Variants in LRMDA observed in about 807,000 individuals in gnomAD.
LRMDA encodes leucine rich melanocyte differentiation associated.
In LRMDA, 18 loss-of-function variants were observed where a neutral mutation model predicts 29.8. That is an observed-to-expected ratio of 0.60 (90% confidence interval 0.42 to 0.90). The LOEUF is 0.90. Among genes scored for constraint, LRMDA ranks in the 40% least tolerant of loss-of-function variants. LRMDA has a pLI of 0.00. For missense variants in LRMDA, 273 were observed against 273.9 expected (o/e 1.00, Z 0.02); for synonymous variants, 125 against 109.4 (o/e 1.14, Z -0.89).
At chr10:76,014,008 G>A (rs1564630373) in intron 2 of LRMDA, among the ~76,000 whole-genome samples, 1 of 150,002 alleles carries the variant, frequency 6.7e-6, no homozygotes, top group Non-Finnish European at 1.5e-5. Context: ...TCACTGAGAA[G>A]TGATCCACAT....
intron 2 of LRMDA, among the ~76,000 whole-genome samples, chr10:75,556,629 A>C (rs887507691): frequency 6.6e-6 from 1 of 152,182 alleles, no homozygotes; most frequent in African/African-American, 2.4e-5. Flanking sequence ...TAAAAAATCT[A>C]CATGGCTATT....
rs892237446 is a variant in LRMDA at position 75,716,343 on chromosome 10, C to G, written c.131+277849C>G. Among the ~76,000 whole-genome samples the G allele has an allele frequency of 4.9e-4, 74 of 152,278 alleles. 1 individual carries two copies. Among genetic ancestry groups the G allele is most frequent in the African/African-American group, 1.7e-3 (71 of 41,566 alleles). The stretch of plus-strand genomic sequence containing the variant: ...TGAGCTGGCAAATTAACCTTGGAAA[C>G]CTTTTATCTTTGGACTTCTTATGTT... On this transcript the variant is annotated intron_variant, in intron 2 of 6. Coordinates refer to ENST00000611255, the MANE Select transcript of LRMDA (RefSeq NM_001305581.2).
At chr10:75,543,053 G>A (rs1164878233) in intron 2 of LRMDA, among the ~76,000 whole-genome samples, 2 of 152,174 alleles carry the variant, frequency 1.3e-5, no homozygotes, top group South Asian at 2.1e-4. Context: ...AAGTCCAAGC[G>A]CGAGGCCAGG....
intron 2 of LRMDA, among the ~76,000 whole-genome samples, chr10:75,550,459 T>C (rs1840128554): frequency 2.0e-5 from 3 of 152,160 alleles, no homozygotes; most frequent in Admixed American, 2.0e-4. Flanking sequence ...TGAAACCTAC[T>C]TTGTATTATG....
intron 3 of LRMDA, among the ~76,000 whole-genome samples, chr10:76,043,079 G>A (rs1049653149): frequency 2.0e-5 from 3 of 151,944 alleles, no homozygotes; most frequent in East Asian, 1.9e-4. Flanking sequence ...CCGAGATCAC[G>A]CCATTGCACT....
At position 75,824,172 on chromosome 10, in the gene LRMDA, G is replaced by C. The variant is rs570398308; in HGVS notation, c.132-211836G>C. ...ATTTCAAAAAATATTTTGATTACAT[G>C]TTGATTGTATTTGGGACATATTAAA... On this transcript the variant is annotated intron_variant, in intron 2 of 6. Coordinates refer to ENST00000611255, the MANE Select transcript of LRMDA (RefSeq NM_001305581.2). 3.3e-5 allele frequency among the ~76,000 whole-genome samples: 5 copies of C among 152,240 alleles called. No homozygotes were observed. In the South Asian group the frequency reaches 1.0e-3, roughly 32 times the overall value.
At chr10:76,433,189 G>T in intron 6 of LRMDA, among the ~76,000 whole-genome samples, 1 of 152,028 alleles carries the variant, frequency 6.6e-6, no homozygotes, top group East Asian at 2.0e-4. Context: ...CTTCTCACAG[G>T]TATCTGTGTT....
intron 6 of LRMDA, among the ~76,000 whole-genome samples, chr10:76,471,335 G>A (rs760997675): frequency 2.0e-5 from 3 of 151,582 alleles, no homozygotes; most frequent in Non-Finnish European, 4.4e-5. Flanking sequence ...CTATATAGGT[G>A]CAATTTTAAA....
At chr10:76,416,096 G>A (rs1312908373) in intron 6 of LRMDA, among the ~76,000 whole-genome samples, 2 of 152,204 alleles carry the variant, frequency 1.3e-5, no homozygotes, top group Admixed American at 6.5e-5. Flanking sequence ...TGAGACTTAG[G>A]AAGAAGCATA....
chr10:75,651,584 AC>A (rs997997189), intron 2 of LRMDA, among the ~76,000 whole-genome samples: 5 of 152,202 alleles, frequency 3.3e-5, no homozygotes, highest in African/African-American at 9.6e-5. Flanking sequence ...GCTTAGGCGT[AC>A]TAGGAGGAGA....
At chr10:75,740,923 A>G (rs750115854) in intron 2 of LRMDA, among the ~76,000 whole-genome samples, 17 of 152,094 alleles carry the variant, frequency 1.1e-4, no homozygotes, top group Admixed American at 2.6e-4. Context: ...TCATATATAT[A>G]TATATATGGA....
intron 2 of LRMDA, among the ~76,000 whole-genome samples, chr10:75,825,886 T>C (rs1844239619): frequency 6.6e-6 from 1 of 152,166 alleles, no homozygotes; most frequent in Admixed American, 6.5e-5. Flanking sequence ...CTGCAAACTA[T>C]AGTGGAAGTC....
At chr10:76,451,395 C>T (rs542685896) in intron 6 of LRMDA, among the ~76,000 whole-genome samples, 3 of 151,674 alleles carry the variant, frequency 2.0e-5, no homozygotes, top group South Asian at 2.1e-4. Flanking sequence ...TCAGTACAGA[C>T]GGGGTTTCAC....
At chr10:76,092,330 G>A (rs973248132) in intron 5 of LRMDA, among the ~76,000 whole-genome samples, 4 of 152,136 alleles carry the variant, frequency 2.6e-5, no homozygotes, top group South Asian at 4.2e-4. Flanking sequence ...ACAGCTTTCC[G>A]GTGCTTAGAT....
intron 2 of LRMDA, among the ~76,000 whole-genome samples, chr10:75,564,548 C>A (rs900647096): frequency 4.6e-5 from 7 of 152,248 alleles, no homozygotes; most frequent in Non-Finnish European, 1.0e-4. Context: ...CACTGTCCTG[C>A]ACCCACTGTC....
At chr10:75,700,437 CTTTTT>C (rs1156446140) in intron 2 of LRMDA, among the ~76,000 whole-genome samples, 1 of 135,704 alleles carries the variant, frequency 7.4e-6, no homozygotes, top group Admixed American at 7.4e-5. Context: ...CTTTCTCATT[CTTTTT>C]TTTTTTTTTT....
At chr10:76,179,479 AG>A (rs1427154574) in intron 5 of LRMDA, among the ~76,000 whole-genome samples, 4 of 152,244 alleles carry the variant, frequency 2.6e-5, no homozygotes, top group East Asian at 1.9e-4. Context: ...CGATAGTTTA[AG>A]GCAAGGACAC....
At chr10:75,558,544 A>G (rs1010515465) in intron 2 of LRMDA, among the ~76,000 whole-genome samples, 4 of 151,462 alleles carry the variant, frequency 2.6e-5, no homozygotes, top group Non-Finnish European at 5.9e-5. Context: ...TTTTTTTATT[A>G]TTATACTTTA....
intron 5 of LRMDA, among the ~76,000 whole-genome samples, chr10:76,231,749 GTTA>G (rs1439780270): frequency 6.6e-6 from 1 of 152,214 alleles, no homozygotes; most frequent in Non-Finnish European, 1.5e-5. Flanking sequence ...GACTGTGGTA[GTTA>G]TTATCACAAA....
Sources: gnomAD v4.1 joint callset for allele counts (sites outside exome capture counted in the v4.1 genomes callset) on GRCh38, gnomAD v4.1.1 for gene constraint, MANE v1.5 for transcripts, NCBI Gene and HGNC (gene_info 2026-07-23, HGNC 2026-07-21) for gene names.